GFOD2: variants seen among roughly 807,000 people sequenced by gnomAD.
GFOD2 encodes Gfo/Idh/MocA-like oxidoreductase domain containing 2, also known as glucose-fructose oxidoreductase domain-containing protein 2.
A neutral mutation model predicts 24.6 loss-of-function variants in GFOD2; 9 were observed. The ratio of observed to expected loss-of-function variants is 0.37; its 90% CI spans 0.22 to 0.64. GFOD2 has a LOEUF of 0.64. GFOD2 is among the 30% of genes least tolerant of loss of function. The pLI is 0.65. For missense variants in GFOD2, 476 were observed against 532.5 expected (o/e 0.89, Z 1.04); for synonymous variants, 211 against 224.8 (o/e 0.94, Z 0.55).
At chr16:67,708,471 G>A (rs2053452818) in intron 1 of GFOD2, among the ~76,000 whole-genome samples, 1 of 152,210 alleles carries the variant, frequency 6.6e-6, no homozygotes, top group South Asian at 2.1e-4. Context: ...CACTGGGTGA[G>A]TGGCTGAGCT....
At chr16:67,685,436 G>A in intron 2 of GFOD2, 21 bp downstream of exon 2, 1 of 1,614,076 alleles carries the variant, frequency 6.2e-7, no homozygotes, top group Non-Finnish European at 8.5e-7. Context: ...ATCTGCCCCT[G>A]CTGTGGCCTG....
At chr16:67,682,428 A>G (rs1183190882) in intron 2 of GFOD2, 2 of 985,318 alleles carry the variant, frequency 2.0e-6, no homozygotes, top group Non-Finnish European at 2.4e-6. Context: ...AAAACATTCA[A>G]CTGTGGCAAA....
At chr16:67,700,399 TA>T (rs939512417) in intron 1 of GFOD2, among the ~76,000 whole-genome samples, 1 of 150,104 alleles carries the variant, frequency 6.7e-6, no homozygotes, top group Non-Finnish European at 1.5e-5. Flanking sequence ...AAATTTAATT[TA>T]AAAAATAAAA....
chr16:67,675,389 G>C lies in GFOD2; in HGVS notation c.924C>G (p.Val308=). Residue 308 remains valine, a synonymous_variant, in exon 3 of 3, where the codon GTC becomes GTG. Transcript: ENST00000268797. ...ACTGGCGCAAGGCCTGCACCATGTA[G>C]ACCATGCCCTTCAGGTACAGCAGCG... ...DVPLLYLKGM[V]YMVQALRQSF... is the part of the protein sequence containing the mutation. 6.2e-7 allele frequency: 1 copy of C among 1,613,400 alleles called. No homozygotes were observed. Among genetic ancestry groups the C allele is most frequent in the Non-Finnish European group, 8.5e-7 (1 of 1,179,974 alleles).
chr16:67,716,163 T>A (rs1006304433), intron 1 of GFOD2, among the ~76,000 whole-genome samples: 4 of 152,200 alleles, frequency 2.6e-5, no homozygotes, highest in Non-Finnish European at 5.9e-5. Flanking sequence ...TGACATTGCA[T>A]CCCCATTCCA....
intron 1 of GFOD2, among the ~76,000 whole-genome samples, chr16:67,714,540 G>C (rs1478443193): frequency 6.7e-6 from 1 of 150,010 alleles, no homozygotes; most frequent in Non-Finnish European, 1.5e-5. Context: ...ATCATCCTAA[G>C]TAAAATACAA....
rs897735785 is a variant in GFOD2, at chr16:67,675,029, C to T, written c.*126G>A. The T allele has an allele frequency of 4.2e-5, 47 of 1,115,582 alleles. No individual in the cohort carries two copies. The highest frequency in any genetic ancestry group is 5.1e-5 in the Non-Finnish European group (40 of 782,112). 69.1% of individuals were successfully genotyped at this position (1,115,582 alleles called of 1,614,324 possible). A position where few individuals can be genotyped will look rare whatever the true frequency, so the allele number is the denominator to read the frequency against. On this transcript the variant is annotated 3_prime_UTR_variant, in exon 3 of 3. Coordinates refer to ENST00000268797, the MANE Select transcript of GFOD2 (RefSeq NM_030819.4). Reference sequence around the variant, plus strand: ...GGAGGGGGCGAAGTCCCAGAGCCACCTCTGGCTTCACCCAGACTCATTAAA... The same window carrying T: ...GGAGGGGGCGAAGTCCCAGAGCCACTTCTGGCTTCACCCAGACTCATTAAA...
chr16:67,715,088 C>T lies in GFOD2; in HGVS notation c.-88+4075G>A, dbSNP rs1195237862. ...TCTTTTTTTTTTTGAGACGTACTTTCGCTCTTGTTGCCCAGGCTAGAGTGC... is the reference window on the plus strand; with the variant it reads ...TCTTTTTTTTTTTGAGACGTACTTTTGCTCTTGTTGCCCAGGCTAGAGTGC... On this transcript the variant is annotated intron_variant, in intron 1 of 2. Transcript: ENST00000268797. Among the ~76,000 whole-genome samples, 7 of 151,248 alleles carry T rather than the reference C, an allele frequency of 4.6e-5. 1 individual carries two copies. The highest frequency in any genetic ancestry group is 4.0e-4 in the Admixed American group (6 of 15,164).
At chr16:67,683,640 C>G (rs1388958987) in intron 2 of GFOD2, 6 of 1,231,636 alleles carry the variant, frequency 4.9e-6, no homozygotes, top group African/African-American at 4.7e-5. Flanking sequence ...GACAACCGGA[C>G]AGACTGAAGT....
At chr16:67,711,998 T>A (rs2053477485) in intron 1 of GFOD2, among the ~76,000 whole-genome samples, 1 of 152,216 alleles carries the variant, frequency 6.6e-6, no homozygotes, top group South Asian at 2.1e-4. Flanking sequence ...CCTGCTAGAA[T>A]GTATCCTCCT....
intron 1 of GFOD2, among the ~76,000 whole-genome samples, chr16:67,702,328 G>A (rs984402722): frequency 6.6e-6 from 1 of 151,974 alleles, no homozygotes; most frequent in African/African-American, 2.4e-5. Context: ...ACACAAATTA[G>A]CCAGGCTTCA....
chr16:67,708,005 C>T (rs1214967246), intron 1 of GFOD2, among the ~76,000 whole-genome samples: 5 of 151,870 alleles, frequency 3.3e-5, no homozygotes, highest in African/African-American at 4.8e-5. Flanking sequence ...GTGGCTGAGG[C>T]GGAGGGAATC....
At chr16:67,690,990 G>A (rs1019814791) in intron 1 of GFOD2, among the ~76,000 whole-genome samples, 4 of 152,074 alleles carry the variant, frequency 2.6e-5, no homozygotes, top group East Asian at 3.9e-4. Flanking sequence ...AGCCTCCCGA[G>A]TAACTGGGAC....
Position 67,674,863 on chromosome 16 carries a change from C to A in GFOD2, c.*292G>T. The A allele has an allele frequency of 2.4e-6, 1 of 413,222 alleles. No homozygotes were observed. Among genetic ancestry groups the A allele is most frequent in the Non-Finnish European group, 4.4e-6 (1 of 228,456 alleles). 25.6% of individuals were successfully genotyped at this position (413,222 alleles called of 1,614,324 possible). A position where few individuals can be genotyped will look rare whatever the true frequency, so the allele number is the denominator to read the frequency against. On this transcript the variant is annotated 3_prime_UTR_variant, in exon 3 of 3. Coordinates refer to ENST00000268797, the MANE Select transcript of GFOD2 (RefSeq NM_030819.4). ...GGACTGCGGATCAGGCTGAAGGGCT[C>A]CCCAGGGTGAGCCTTTCCTGGTCCG... is the stretch of plus-strand genomic sequence containing the variant.
At chr16:67,684,934 T>G (rs1431119741) in intron 2 of GFOD2, 1 of 1,000,072 alleles carries the variant, frequency 1.0e-6, no homozygotes, top group East Asian at 1.0e-4. Flanking sequence ...CGACGGATCC[T>G]GTCAGGGAAG....
At chr16:67,676,180 T>C in intron 2 of GFOD2, 127 bp from the exon 3 acceptor site, 2 of 917,010 alleles carry the variant, frequency 2.2e-6, no homozygotes, top group Non-Finnish European at 3.2e-6. Flanking sequence ...TTCTTTTTTG[T>C]AGAGGTGGGG....
chr16:67,702,866 G>A (rs1005934725), intron 1 of GFOD2, among the ~76,000 whole-genome samples: 1 of 151,862 alleles, frequency 6.6e-6, no homozygotes, highest in Non-Finnish European at 1.5e-5. Context: ...CCAAAGTGCT[G>A]GGATTACAGG....
intron 1 of GFOD2, among the ~76,000 whole-genome samples, chr16:67,694,360 G>C (rs1017859495): frequency 2.2e-4 from 34 of 151,984 alleles, no homozygotes; most frequent in African/African-American, 8.2e-4. Context: ...TCAAACTCTG[G>C]CCTCAAACTC....
At chr16:67,704,548 T>C (rs1481629236) in intron 1 of GFOD2, among the ~76,000 whole-genome samples, 9 of 152,128 alleles carry the variant, frequency 5.9e-5, no homozygotes. Flanking sequence ...GATGAGAAAC[T>C]ACAAAAAACC....
Sources: allele counts gnomAD v4.1 joint callset (sites outside exome capture counted in the v4.1 genomes callset), GRCh38; gene constraint gnomAD v4.1.1; transcripts MANE v1.5; gene names NCBI Gene and HGNC (gene_info 2026-07-23, HGNC 2026-07-21).